Variants in VGLL4 observed in about 807,000 individuals in gnomAD.
VGLL4 encodes transcription cofactor vestigial-like protein 4.
Under a neutral mutation model 21.0 loss-of-function variants are expected in VGLL4, and 7 were observed. The observed-to-expected ratio is 0.33, with a 90% CI of 0.19 to 0.63. The LOEUF (loss-of-function observed/expected upper bound fraction) is 0.63. Ranked by LOEUF, VGLL4 falls within the 20% of genes least tolerant of loss-of-function variation. The probability of loss-of-function intolerance (pLI) is 0.78; values close to 1 mark genes in which losing one functional copy is unlikely to be tolerated. For synonymous variants in VGLL4, 222 were observed against 173.2 expected, an observed-to-expected ratio of 1.28 and a Z score of -2.21; for missense variants, 394 against 425.7, an observed-to-expected ratio of 0.93 and a Z score of 0.66.
intron 2 of VGLL4, among the ~76,000 whole-genome samples, chr3:11,672,339 A>G (rs750506516): frequency 6.6e-5 from 10 of 151,630 alleles, no homozygotes; most frequent in Non-Finnish European, 1.3e-4. Context: ...TCGTAGAGTT[A>G]AAATAGCTCA....
intron 2 of VGLL4, among the ~76,000 whole-genome samples, chr3:11,586,784 C>T (rs752290030): frequency 4.6e-5 from 7 of 152,154 alleles, no homozygotes; most frequent in Non-Finnish European, 7.3e-5. Context: ...ATCGCTTTGT[C>T]GGGAGCCCTC....
At chr3:11,564,672 A>ACCTC (rs2073361070) in intron 3 of VGLL4, 125 bp downstream of exon 3, 5 of 1,168,744 alleles carry the variant, frequency 4.3e-6, no homozygotes, top group Non-Finnish European at 4.8e-6. Flanking sequence ...ATCCCTCACC[A>ACCTC]CCTCCCTCCC....
chr3:11,689,046 AT>A (rs1368648600), intron 2 of VGLL4, among the ~76,000 whole-genome samples: 1 of 151,858 alleles, frequency 6.6e-6, no homozygotes, highest in Non-Finnish European at 1.5e-5. Flanking sequence ...AGAGAGATCA[AT>A]TTTTTTTCTT....
At chr3:11,665,910 C>T (rs2076116402) in intron 2 of VGLL4, among the ~76,000 whole-genome samples, 1 of 152,174 alleles carries the variant, frequency 6.6e-6, no homozygotes, top group Non-Finnish European at 1.5e-5. Context: ...TGAGAAGGTG[C>T]CTCTGAGTGA....
chr3:11,715,086 G>A, intron 1 of VGLL4, among the ~76,000 whole-genome samples: 1 of 149,260 alleles, frequency 6.7e-6, no homozygotes, highest in African/African-American at 2.5e-5. Flanking sequence ...AGTGAGCCGA[G>A]ATCGCGCCGC....
chr3:11,712,996 CAAT>C (rs1255414155), intron 1 of VGLL4, among the ~76,000 whole-genome samples: 2 of 152,172 alleles, frequency 1.3e-5, no homozygotes, highest in Non-Finnish European at 2.9e-5. Flanking sequence ...CTGTGGCCAA[CAAT>C]GACACCGGCA....
intron 1 of VGLL4, among the ~76,000 whole-genome samples, chr3:11,713,660 C>G (rs1371220940): frequency 6.6e-6 from 1 of 151,146 alleles, no homozygotes. Context: ...CCAGATCACA[C>G]CCTTTCCATA....
chr3:11,587,852 G>C (rs2074395153), intron 2 of VGLL4, among the ~76,000 whole-genome samples: 1 of 152,162 alleles, frequency 6.6e-6, no homozygotes, highest in South Asian at 2.1e-4. Flanking sequence ...AGAAACCTGG[G>C]GGGCTTCTTA....
chr3:11,602,585 A>C (rs867783432), intron 1 of VGLL4, among the ~76,000 whole-genome samples: 11 of 152,310 alleles, frequency 7.2e-5, no homozygotes, highest in Middle Eastern at 6.8e-3. Flanking sequence ...TAAATGTTTA[A>C]TTCTTACAGT....
intron 2 of VGLL4, among the ~76,000 whole-genome samples, chr3:11,575,860 C>T (rs2074026802): frequency 2.0e-5 from 3 of 152,216 alleles, no homozygotes; most frequent in Admixed American, 1.3e-4. Context: ...ACCCTCTTTG[C>T]TTGGCAATGT....
At chr3:11,676,160 T>G (rs1056166101) in intron 2 of VGLL4, among the ~76,000 whole-genome samples, 2 of 152,020 alleles carry the variant, frequency 1.3e-5, no homozygotes, top group African/African-American at 4.8e-5. Flanking sequence ...GGCTGAGGCG[T>G]GTGGATCACG....
intron 1 of VGLL4, among the ~76,000 whole-genome samples, chr3:11,640,356 T>C (rs1367156074): frequency 6.6e-6 from 1 of 152,058 alleles, no homozygotes; most frequent in Admixed American, 6.6e-5. Context: ...AGGGCTGGGG[T>C]TGGCCTATGA....
intron 1 of VGLL4, among the ~76,000 whole-genome samples, chr3:11,607,730 T>C (rs7611055): frequency 0.94 from 142,618 of 152,288 alleles, 66,913 homozygotes; most frequent in African/African-American, 0.95. Flanking sequence ...AACAGGCATT[T>C]GTGAATTTCC....
intron 1 of VGLL4, among the ~76,000 whole-genome samples, chr3:11,720,195 C>G (rs2076975190): frequency 7.1e-6 from 1 of 141,748 alleles, no homozygotes; most frequent in African/African-American, 2.7e-5. Flanking sequence ...GAACCTGCGG[C>G]ACCCACGCCG....
intron 2 of VGLL4, among the ~76,000 whole-genome samples, chr3:11,573,983 G>C (rs538468378): frequency 3.3e-5 from 5 of 152,334 alleles, no homozygotes; most frequent in East Asian, 3.9e-4. Flanking sequence ...TGTGAAGACA[G>C]AGAGAAGACC....
At chr3:11,705,689 G>C (rs563175403) in intron 1 of VGLL4, among the ~76,000 whole-genome samples, 1 of 152,358 alleles carries the variant, frequency 6.6e-6, no homozygotes, top group South Asian at 2.1e-4. Flanking sequence ...ATTCAGGAAA[G>C]ATCTGGGTTT....
Position 11,556,112 on chromosome 3 carries a change from G to A in VGLL4, c.*2444C>T, listed in dbSNP as rs369442149. On this transcript the variant is annotated 3_prime_UTR_variant, in exon 5 of 5. Transcript: ENST00000430365. ...TTATTGTTCTTAAGGCTACTTTTAA[G>A]TACAAAAAAAGATGGCCTGCCAAAC... The A allele has an allele frequency of 1.3e-5, 2 of 152,448 alleles. No individual in the cohort carries two copies. Among genetic ancestry groups the A allele is most frequent in the Non-Finnish European group, 2.9e-5 (2 of 67,962 alleles). 9.4% of individuals were successfully genotyped at this position (152,448 alleles called of 1,614,324 possible).
intron 1 of VGLL4, among the ~76,000 whole-genome samples, chr3:11,620,287 C>A (rs2075241015): frequency 6.6e-6 from 1 of 152,140 alleles, no homozygotes. Context: ...GTTTCCAACT[C>A]CTATACCACT....
rs193243321 is a variant in VGLL4, at chr3:11,683,677, C to T, written c.64+19294G>A. Among the ~76,000 whole-genome samples the T allele has an allele frequency of 1.0e-3, 155 of 151,978 alleles. 1 individual carries two copies. The highest frequency in any genetic ancestry group is 3.6e-3 in the African/African-American group (148 of 41,458). Reference sequence around the variant, plus strand: ...GGCATGGTAGTGCATGCCTGTAATCCCAGCTACTCCGGAGGCTGAGACAGG... The same window carrying T: ...GGCATGGTAGTGCATGCCTGTAATCTCAGCTACTCCGGAGGCTGAGACAGG... On this transcript the variant is annotated intron_variant, in intron 2 of 5. Transcript: ENST00000273038.
Sources: gnomAD v4.1 joint callset for allele counts (sites outside exome capture counted in the v4.1 genomes callset) on GRCh38, gnomAD v4.1.1 for gene constraint, MANE v1.5 for transcripts, NCBI Gene and HGNC (gene_info 2026-07-23, HGNC 2026-07-21) for gene names.